PCDH15: variants seen among roughly 807,000 people sequenced by gnomAD.
PCDH15 encodes protocadherin-15.
PCDH15 carries 129 observed loss-of-function variants against 178.5 expected under a neutral mutation model. That is an observed-to-expected ratio of 0.72 (90% CI 0.63 to 0.84). PCDH15 has a LOEUF of 0.84. Ranked by LOEUF, PCDH15 falls within the 40% of genes least tolerant of loss-of-function variation. The pLI is 0.00. For synonymous variants in PCDH15, 800 were observed against 732.0 expected, an observed-to-expected ratio of 1.09 and a Z score of -1.50; for missense variants, 2,230 against 2,099.9, an observed-to-expected ratio of 1.06 and a Z score of -1.21.
chr10:54,803,540 C>G (rs1419552847), upstream of PCDH15, among the ~76,000 whole-genome samples: 1 of 151,934 alleles, frequency 6.6e-6, no homozygotes, highest in Non-Finnish European at 1.5e-5. Context: ...CGTTTTTTTT[C>G]TTTCCACAAA....
At chr10:55,078,974 C>A (rs994389694) in intron 2 of PCDH15, among the ~76,000 whole-genome samples, 1 of 152,084 alleles carries the variant, frequency 6.6e-6, no homozygotes, top group African/African-American at 2.4e-5. Flanking sequence ...GGATTTCTTT[C>A]CTTTTATAAT....
At chr10:53,856,698 T>G (rs1027927744) in intron 28 of PCDH15, among the ~76,000 whole-genome samples, 1 of 152,112 alleles carries the variant, frequency 6.6e-6, no homozygotes, top group Non-Finnish European at 1.5e-5. Flanking sequence ...CATCTAATTT[T>G]TATCCTTATT....
intron 2 of PCDH15, among the ~76,000 whole-genome samples, chr10:55,577,960 A>G (rs1003433582): frequency 2.0e-5 from 3 of 152,242 alleles, no homozygotes; most frequent in African/African-American, 7.2e-5. Flanking sequence ...GGAGAGAGAG[A>G]GAGAGAGCAA....
chr10:54,745,756 A>G (rs1436152077), intron 1 of PCDH15, among the ~76,000 whole-genome samples: 1 of 152,204 alleles, frequency 6.6e-6, no homozygotes, highest in Non-Finnish European at 1.5e-5. Flanking sequence ...TATAAAATTA[A>G]TCTGCAGCGA....
At chr10:54,795,348 C>CAAT (rs1421720453) in intron 1 of PCDH15, among the ~76,000 whole-genome samples, 1 of 151,860 alleles carries the variant, frequency 6.6e-6, no homozygotes, top group East Asian at 1.9e-4. Flanking sequence ...AATGTCCATT[C>CAAT]TCAAAACTAT....
intron 1 of PCDH15, among the ~76,000 whole-genome samples, chr10:55,236,502 A>G (rs569750717): frequency 6.6e-6 from 1 of 152,208 alleles, no homozygotes; most frequent in Admixed American, 6.5e-5. Flanking sequence ...AATGAGATAT[A>G]CTAATTTTCA....
intron 2 of PCDH15, among the ~76,000 whole-genome samples, chr10:54,903,228 G>C (rs1954666885): frequency 6.6e-6 from 1 of 152,020 alleles, no homozygotes; most frequent in African/African-American, 2.4e-5. Context: ...GTTTGGATGG[G>C]AAGTGGCTAC....
intron 21 of PCDH15, among the ~76,000 whole-genome samples, chr10:53,965,151 A>G (rs2660182): frequency 0.71 from 107,178 of 151,288 alleles, 38,297 homozygotes; most frequent in East Asian, 0.87. Flanking sequence ...TCCGCCTCTC[A>G]GGTTCAAGTG....
At chr10:53,916,255 G>A (rs767374566) in intron 25 of PCDH15, among the ~76,000 whole-genome samples, 1 of 152,134 alleles carries the variant, frequency 6.6e-6, no homozygotes, top group Non-Finnish European at 1.5e-5. Context: ...GATACAGAAT[G>A]CCAACTGTAT....
At chr10:54,369,412 C>T (rs1409121569) in intron 4 of PCDH15, 137 bp from the exon 5 acceptor site, 1 of 827,730 alleles carries the variant, frequency 1.2e-6, no homozygotes, top group Non-Finnish European at 1.9e-6. Flanking sequence ...AGAAAATGAT[C>T]ATTTTAAGGA....
At chr10:53,838,001 G>A (rs1353892069) in intron 29 of PCDH15, among the ~76,000 whole-genome samples, 1 of 147,814 alleles carries the variant, frequency 6.8e-6, no homozygotes, top group South Asian at 2.1e-4. Flanking sequence ...TTTAGAGGCA[G>A]AGTCTTGCTC....
In PCDH15 at chr10:55,597,463, T is replaced by C. The variant is rs146845005; in HGVS notation, c.-156+30162A>G. Among the ~76,000 whole-genome samples, 9 of 152,174 alleles carry C rather than the reference T, an allele frequency of 5.9e-5. No individual in the cohort carries two copies. The East Asian group carries it at 1.7e-3, about 29-fold the overall frequency. On this transcript the variant is annotated intron_variant, in intron 2 of 5. Coordinates refer to the PCDH15 transcript ENST00000613346. ...AGTCAGAACCCTAAAAATCATAATT[T>C]AACCATGAACACTCCAACACTAGCC...
chr10:55,591,436 T>A (rs1842841308), intron 2 of PCDH15, among the ~76,000 whole-genome samples: 1 of 151,754 alleles, frequency 6.6e-6, no homozygotes, highest in South Asian at 2.1e-4. Flanking sequence ...CTCTCTCTCA[T>A]AAATAAATAC....
At chr10:54,217,750 T>C (rs1268967377) in intron 9 of PCDH15, among the ~76,000 whole-genome samples, 2 of 152,176 alleles carry the variant, frequency 1.3e-5, no homozygotes, top group Non-Finnish European at 2.9e-5. Context: ...TTTGAAATAC[T>C]ATTTACCAAT....
intron 2 of PCDH15, among the ~76,000 whole-genome samples, chr10:55,085,649 A>ATTT (rs1842150188): frequency 6.7e-6 from 1 of 149,448 alleles, no homozygotes; most frequent in Admixed American, 7.0e-5. Context: ...TAAACAAAAA[A>ATTT]ATTATTAAAC....
chr10:55,445,830 C>G (rs1407534622), intron 2 of PCDH15, among the ~76,000 whole-genome samples: 2 of 152,120 alleles, frequency 1.3e-5, no homozygotes, highest in East Asian at 1.9e-4. Flanking sequence ...TCATTTCATA[C>G]AGTTGTATCC....
intron 2 of PCDH15, among the ~76,000 whole-genome samples, chr10:55,471,900 C>T (rs117640740): frequency 0.012 from 1,850 of 152,194 alleles, 20 homozygotes; most frequent in East Asian, 0.04. Flanking sequence ...TTCAAATGAG[C>T]CAAACTAAAG....
At chr10:54,079,760 T>C (rs1425274449) in intron 16 of PCDH15, among the ~76,000 whole-genome samples, 1 of 152,174 alleles carries the variant, frequency 6.6e-6, no homozygotes, top group Non-Finnish European at 1.5e-5. Context: ...CATTATTCCT[T>C]AGCAGTCTCA....
chr10:53,951,531 C>A (rs552012124), intron 23 of PCDH15, among the ~76,000 whole-genome samples: 27 of 152,210 alleles, frequency 1.8e-4, no homozygotes, highest in Admixed American at 9.8e-4. Flanking sequence ...ATATCTTTGT[C>A]AAAAATAGAA....
Sources: gnomAD v4.1 joint callset for allele counts (sites outside exome capture counted in the v4.1 genomes callset) on GRCh38, gnomAD v4.1.1 for gene constraint, MANE v1.5 for transcripts, NCBI Gene and HGNC (gene_info 2026-07-23, HGNC 2026-07-21) for gene names.